GPR139: variants seen among roughly 807,000 people sequenced by gnomAD.
The protein encoded by GPR139 is G protein-coupled receptor 139, also known as probable G protein-coupled receptor 139.
Under a neutral mutation model 25.8 loss-of-function variants are expected in GPR139, and 12 were observed. That is an observed-to-expected ratio of 0.47 (90% CI 0.30 to 0.75). GPR139 has a LOEUF of 0.75. Among genes scored for constraint, GPR139 ranks in the 30% least tolerant of loss-of-function variants. The pLI is 0.07. For missense variants in GPR139, 380 were observed against 450.2 expected, an observed-to-expected ratio of 0.84 and a Z score of 1.41; for synonymous variants, 184 against 179.9, an observed-to-expected ratio of 1.02 and a Z score of -0.18.
At chr16:20,046,548 C>CT (rs1372869930) in intron 1 of GPR139, among the ~76,000 whole-genome samples, 1 of 152,116 alleles carries the variant, frequency 6.6e-6, no homozygotes, top group East Asian at 1.9e-4. Flanking sequence ...GTCAGGGAGG[C>CT]AGACAGGGAA....
At chr16:20,061,275 G>A (rs1567239916) in intron 1 of GPR139, among the ~76,000 whole-genome samples, 1 of 147,070 alleles carries the variant, frequency 6.8e-6, no homozygotes, top group Non-Finnish European at 1.5e-5. Flanking sequence ...GGATGGCTGT[G>A]TGGACAGATG....
chr16:20,072,938 C>G (rs1025422768), intron 1 of GPR139, among the ~76,000 whole-genome samples: 1 of 152,186 alleles, frequency 6.6e-6, no homozygotes, highest in African/African-American at 2.4e-5. Flanking sequence ...AGACCCTTTT[C>G]TTGCTAGGCA....
chr16:20,051,307 G>A (rs1398284354), intron 1 of GPR139, among the ~76,000 whole-genome samples: 3 of 152,272 alleles, frequency 2.0e-5, no homozygotes, highest in Admixed American at 6.5e-5. Flanking sequence ...ACCCTCCTCC[G>A]CGTCTTGGGT....
rs1204732328 is a variant in GPR139, at chr16:20,031,615, G to C, written c.*120C>G. 5.4e-6 allele frequency: 4 copies of C among 744,312 alleles called. No homozygotes were observed. The highest frequency in any genetic ancestry group is 9.3e-6 in the Non-Finnish European group (4 of 430,706). 46.1% of individuals were successfully genotyped at this position (744,312 alleles called of 1,614,324 possible). ...CATCTACCAGTCTGAGAATTGCCCAGTCTGCGGGAGACAGGAAATCGGATT... is the reference window on the plus strand; with the variant it reads ...CATCTACCAGTCTGAGAATTGCCCACTCTGCGGGAGACAGGAAATCGGATT... On this transcript the variant is annotated 3_prime_UTR_variant, in exon 2 of 2. Coordinates refer to ENST00000570682, the MANE Select transcript of GPR139 (RefSeq NM_001002911.4).
At chr16:20,061,226 T>G (rs867196133) in intron 1 of GPR139, among the ~76,000 whole-genome samples, 3 of 82,726 alleles carry the variant, frequency 3.6e-5, no homozygotes, top group East Asian at 4.1e-4. Context: ...TGGATGGATG[T>G]GTGGATGGAT....
chr16:20,036,994 G>A (rs1021799581), intron 1 of GPR139, among the ~76,000 whole-genome samples: 23 of 152,232 alleles, frequency 1.5e-4, no homozygotes, highest in Admixed American at 4.6e-4. Flanking sequence ...CTTTTGCCAT[G>A]GAGTTTATAG....
At chr16:20,057,654 GC>G (rs2057394858) in intron 1 of GPR139, among the ~76,000 whole-genome samples, 1 of 150,908 alleles carries the variant, frequency 6.6e-6, no homozygotes, top group Non-Finnish European at 1.5e-5. Context: ...TACCTACCAG[GC>G]CCCCTACCAT....
At chr16:20,064,816 C>A (rs1684889829) in intron 1 of GPR139, among the ~76,000 whole-genome samples, 1 of 152,216 alleles carries the variant, frequency 6.6e-6, no homozygotes, top group African/African-American at 2.4e-5. Flanking sequence ...AGTACAGAGC[C>A]TACATCCTGA....
Position 20,073,689 on chromosome 16 carries a change from T to TGGCGGCGGCGGAGGC in GPR139, c.-88_-74dup. ...CCGACTCTGGTCGCCGGCTCGGTGG[T>TGGCGGCGGCGGAGGC]GGCGGCGGCGGAGGCAGCGGCAGCT... On this transcript the variant is annotated 5_prime_UTR_variant, in exon 1 of 2. Coordinates refer to ENST00000570682, the MANE Select transcript of GPR139 (RefSeq NM_001002911.4). The surrounding 1 kb of genome is among the most constrained non-coding windows in gnomAD (Gnocchi z 4.7). The TGGCGGCGGCGGAGGC allele has an allele frequency of 6.8e-7, 1 of 1,472,182 alleles. No homozygotes were observed. Among genetic ancestry groups the TGGCGGCGGCGGAGGC allele is most frequent in the African/African-American group, 1.4e-5 (1 of 69,926 alleles). 91.2% of individuals were successfully genotyped at this position (1,472,182 alleles called of 1,614,324 possible).
chr16:20,062,063 T>G (rs1283264039), intron 1 of GPR139, among the ~76,000 whole-genome samples: 1 of 151,822 alleles, frequency 6.6e-6, no homozygotes, highest in Non-Finnish European at 1.5e-5. Context: ...AGGCCAGGAG[T>G]TTGAGATCAG....
At chr16:20,064,472 T>G (rs924425435) in intron 1 of GPR139, among the ~76,000 whole-genome samples, 1 of 152,018 alleles carries the variant, frequency 6.6e-6, no homozygotes, top group Non-Finnish European at 1.5e-5. Context: ...GAGGTGGAGC[T>G]TTCAGTGAGC....
At chr16:20,061,235 A>ATGTG (rs1162779018) in intron 1 of GPR139, among the ~76,000 whole-genome samples, 17 of 147,284 alleles carry the variant, frequency 1.2e-4, no homozygotes, top group South Asian at 6.4e-4. Context: ...GTGTGGATGG[A>ATGTG]TGGATGGATG....
intron 1 of GPR139, among the ~76,000 whole-genome samples, chr16:20,059,242 G>A (rs373670877): frequency 1.3e-5 from 2 of 152,096 alleles, no homozygotes; most frequent in East Asian, 3.9e-4. Context: ...AACCCAAATT[G>A]GATCATGTCA....
rs750338530 is a variant in GPR139 at position 20,031,891 on chromosome 16, A to G, written c.906T>C (p.Ala302=). ...FRTMAAATLK[A]FFKCQKQPVQ... is the part of the protein sequence containing the mutation. ...CAGGTTGCTTCTGGCACTTGAAGAA[A>G]GCCTTGAGCGTGGCGGCTGCCATGG... Residue 302 remains alanine, a synonymous_variant, in exon 2 of 2, where the codon GCT becomes GCC. Coordinates refer to ENST00000570682, the MANE Select transcript of GPR139 (RefSeq NM_001002911.4). 1.2e-6 allele frequency: 2 copies of G among 1,614,244 alleles called. No homozygotes were observed. Among genetic ancestry groups the G allele is most frequent in the Non-Finnish European group, 1.7e-6 (2 of 1,180,046 alleles).
At chr16:20,050,654 A>C (rs1159011355) in intron 1 of GPR139, among the ~76,000 whole-genome samples, 1 of 152,212 alleles carries the variant, frequency 6.6e-6, no homozygotes, top group Non-Finnish European at 1.5e-5. Flanking sequence ...GACAAGGTAG[A>C]GAAGTAACAG....
chr16:20,064,756 G>A (rs1392001418), intron 1 of GPR139, among the ~76,000 whole-genome samples: 1 of 152,154 alleles, frequency 6.6e-6, no homozygotes, highest in East Asian at 1.9e-4. Context: ...ACTTGCCAGA[G>A]CCCCATTAAC....
intron 1 of GPR139, among the ~76,000 whole-genome samples, chr16:20,061,829 TGCAATGGCCAAATTGCA>T (rs1365318460): frequency 3.3e-5 from 5 of 152,238 alleles, no homozygotes; most frequent in African/African-American, 7.2e-5. Context: ...GCTGCACTGC[TGCAATGGCCAAATTGCA>T]GCAATGGCCA....
At chr16:20,063,801 G>A (rs776235483) in intron 1 of GPR139, among the ~76,000 whole-genome samples, 4 of 152,154 alleles carry the variant, frequency 2.6e-5, no homozygotes, top group Non-Finnish European at 5.9e-5. Flanking sequence ...TGAGACTTGG[G>A]AAAAGTAAGT....
intron 1 of GPR139, among the ~76,000 whole-genome samples, chr16:20,068,277 A>C (rs1028343906): frequency 6.6e-6 from 1 of 151,598 alleles, no homozygotes; most frequent in African/African-American, 2.4e-5. Flanking sequence ...AAATAAAATA[A>C]AGCAAGCAGC....
Sources: allele counts gnomAD v4.1 joint callset (sites outside exome capture counted in the v4.1 genomes callset), GRCh38; gene constraint gnomAD v4.1.1; non-coding constraint Gnocchi (gnomAD v3.1); transcripts MANE v1.5; gene names NCBI Gene and HGNC (gene_info 2026-07-23, HGNC 2026-07-21).